Variants in CAV2 observed in about 807,000 individuals in gnomAD.
CAV2 encodes caveolin 2.
CAV2 carries 7 observed loss-of-function variants against 15.5 expected under a neutral mutation model. The observed-to-expected ratio is 0.45, with a 90% CI of 0.26 to 0.85. The LOEUF (loss-of-function observed/expected upper bound fraction) is 0.85, where lower values mean the gene tolerates loss of function less well. CAV2 is among the 40% of genes least tolerant of loss of function. The probability of loss-of-function intolerance (pLI) is 0.18; values close to 1 mark genes in which losing one functional copy is unlikely to be tolerated. For synonymous variants in CAV2, 76 were observed against 83.1 expected, an observed-to-expected ratio of 0.91 and a Z score of 0.46; for missense variants, 229 against 208.8, an observed-to-expected ratio of 1.10 and a Z score of -0.60.
chr7:116,500,650 A>G, intron 2 of CAV2: 1 of 572,688 alleles, frequency 1.7e-6, no homozygotes. Flanking sequence ...TTTCAACAGG[A>G]GAAAGAATGT....
Position 116,506,154 on chromosome 7 carries a change from C to A in CAV2, c.*33C>A. 3 of 1,607,144 alleles carry A rather than the reference C, an allele frequency of 1.9e-6. No homozygotes were observed. Among genetic ancestry groups the A allele is most frequent in the Non-Finnish European group, 2.6e-6 (3 of 1,174,032 alleles). ...GACCCCAGGTCTGGAGATTGGGATA[C>A]TGTAATACTTCTTTGTTATTATAAC... On this transcript the variant is annotated 3_prime_UTR_variant, in exon 3 of 3. Transcript: ENST00000222693.
intron 2 of CAV2, among the ~76,000 whole-genome samples, chr7:116,502,403 T>TATCA (rs1793124590): frequency 6.6e-6 from 1 of 152,196 alleles, no homozygotes; most frequent in Non-Finnish European, 1.5e-5. Flanking sequence ...AATATTTAAC[T>TATCA]GTAAAACATT....
intron 2 of CAV2, among the ~76,000 whole-genome samples, chr7:116,503,246 C>T (rs1793143886): frequency 6.6e-6 from 1 of 151,442 alleles, no homozygotes; most frequent in African/African-American, 2.4e-5. Flanking sequence ...TCAATCAGAA[C>T]TGCCTGGAGT....
chr7:116,501,915 A>G (rs1203717756), intron 2 of CAV2, among the ~76,000 whole-genome samples: 1 of 152,226 alleles, frequency 6.6e-6, no homozygotes. Context: ...GGTCAAATGG[A>G]TAGTTATATT....
intron 1 of CAV2, 39 bp downstream of exon 1, chr7:116,499,970 G>A: frequency 1.3e-6 from 2 of 1,597,704 alleles, no homozygotes; most frequent in Non-Finnish European, 8.5e-7. Flanking sequence ...CCCCGCTGAG[G>A]CCGGGAGGTG....
At chr7:116,504,126 T>C (rs1793178194) in intron 2 of CAV2, among the ~76,000 whole-genome samples, 1 of 152,174 alleles carries the variant, frequency 6.6e-6, no homozygotes, top group African/African-American at 2.4e-5. Context: ...AACTTCAGCC[T>C]TTTAATAGGC....
chr7:116,503,494 C>G (rs141848475), intron 2 of CAV2, among the ~76,000 whole-genome samples: 7 of 151,968 alleles, frequency 4.6e-5, no homozygotes, highest in African/African-American at 1.7e-4. Context: ...TAAGGAGTCA[C>G]GGAGATAGAA....
chr7:116,500,221 T>C (rs11767363), intron 1 of CAV2, 39 bp from the exon 2 acceptor site: 1,353,999 of 1,593,062 alleles, frequency 0.85, 576,204 homozygotes, highest in East Asian at 0.95. Context: ...GGCGTCAGGT[T>C]GGCTGACAGT....
At position 116,508,082 on chromosome 7, in the gene CAV2, C is replaced by T. The variant is rs546704569; in HGVS notation, c.*1961C>T. ...TAATCATTACCTTAAAGCATCACCA[C>T]TCATTTTGACCATATAGATTTTATT... On this transcript the variant is annotated 3_prime_UTR_variant, in exon 3 of 3. Coordinates refer to ENST00000222693, the MANE Select transcript of CAV2 (RefSeq NM_001233.5). 3.3e-5 allele frequency: 5 copies of T among 152,290 alleles called. No individual in the cohort carries two copies. In the South Asian group the frequency reaches 1.0e-3, roughly 32 times the overall value. The allele number at this position is 152,290 out of a possible 1,614,324, so 9.4% of individuals were successfully genotyped here.
In CAV2 at chr7:116,499,942, G is replaced by A. The variant is rs1298503281; in HGVS notation, c.150+11G>A. On this transcript the variant is annotated intron_variant, in intron 1 of 2. Transcript: ENST00000222693. The stretch of plus-strand genomic sequence containing the variant: ...AACTCGCATCTCAAGGTGAAGCCCG[G>A]GGCGGGCGGGCCCAAGTCCCCGCTG... The A allele has an allele frequency of 1.6e-5, 25 of 1,609,018 alleles. No homozygotes were observed. The highest frequency in any genetic ancestry group is 3.3e-4 in the Middle Eastern group (2 of 6,046).
At chr7:116,500,030 C>A in intron 1 of CAV2, 99 bp downstream of exon 1, 1 of 1,507,040 alleles carries the variant, frequency 6.6e-7, no homozygotes, top group South Asian at 1.3e-5. Context: ...GCTACCGGGT[C>A]GGCCCCGCAG....
At chr7:116,503,549 C>A (rs1793149276) in intron 2 of CAV2, among the ~76,000 whole-genome samples, 1 of 152,102 alleles carries the variant, frequency 6.6e-6, no homozygotes, top group African/African-American at 2.4e-5. Flanking sequence ...TGTATTCTGG[C>A]TGGGAGCAGT....
intron 1 of CAV2, 51 bp downstream of exon 1, chr7:116,499,982 G>T (rs144669871): frequency 6.3e-7 from 1 of 1,589,656 alleles, no homozygotes; most frequent in African/African-American, 1.3e-5. Context: ...CGGGAGGTGC[G>T]GGCGCCCCTC....
At chr7:116,503,902 G>C (rs1793163109) in intron 2 of CAV2, among the ~76,000 whole-genome samples, 1 of 97,338 alleles carries the variant, frequency 1.0e-5, no homozygotes, top group Non-Finnish European at 2.1e-5. Context: ...AGGGAGGGAG[G>C]GAGGGAGGGA....
At position 116,505,881 on chromosome 7, in the gene CAV2, G is replaced by A. The variant is rs79814690; in HGVS notation, c.339-90G>A. The A allele has an allele frequency of 1.5e-3, 1,123 of 756,280 alleles. 10 individuals carry two copies. The African/African-American group carries it at 0.017, about 12-fold the overall frequency. 46.8% of individuals were successfully genotyped at this position (756,280 alleles called of 1,614,324 possible). ...ACTCTCAACCAAATTTAAGTAAATG[G>A]GTCAGTATTTTATCTTTTCATACAT... On this transcript the variant is annotated intron_variant, in intron 2 of 2. Coordinates refer to ENST00000222693, the MANE Select transcript of CAV2 (RefSeq NM_001233.5).
At chr7:116,502,913 A>G (rs1240120637) in intron 2 of CAV2, among the ~76,000 whole-genome samples, 1 of 152,210 alleles carries the variant, frequency 6.6e-6, no homozygotes, top group East Asian at 1.9e-4. Flanking sequence ...GATCATAACC[A>G]AAGAAATGTG....
chr7:116,503,899 GAGGGAGGGAGGGAGGA>G (rs1401402811), intron 2 of CAV2, among the ~76,000 whole-genome samples: 1 of 26,616 alleles, frequency 3.8e-5, no homozygotes, highest in African/African-American at 1.1e-4. Context: ...GGGAGGGAGG[GAGGGAGGGAGGGAGGA>G]AGGAAGGAAG....
At chr7:116,501,776 G>A (rs76633992) in intron 2 of CAV2, among the ~76,000 whole-genome samples, 3 of 152,080 alleles carry the variant, frequency 2.0e-5, no homozygotes, top group African/African-American at 7.2e-5. Context: ...CACCAAATAC[G>A]TAAAGGATAC....
chr7:116,500,226 G>C, intron 1 of CAV2, 34 bp from the exon 2 acceptor site: 2 of 1,598,688 alleles, frequency 1.3e-6, no homozygotes, highest in Non-Finnish European at 1.7e-6. Context: ...CAGGTTGGCT[G>C]ACAGTTCGGG....
Sources: gnomAD v4.1 joint callset for allele counts (sites outside exome capture counted in the v4.1 genomes callset) on GRCh38, gnomAD v4.1.1 for gene constraint, MANE v1.5 for transcripts, NCBI Gene and HGNC (gene_info 2026-07-23, HGNC 2026-07-21) for gene names.